CACNA2D3: variants seen among roughly 807,000 people sequenced by gnomAD.
CACNA2D3 encodes voltage-dependent calcium channel subunit alpha-2/delta-3.
Under a neutral mutation model 160.6 loss-of-function variants are expected in CACNA2D3, and 60 were observed. The observed-to-expected ratio is 0.37, with a 90% CI of 0.30 to 0.46. The LOEUF (loss-of-function observed/expected upper bound fraction) is 0.46, where lower values mean the gene tolerates loss of function less well. Ranked by LOEUF, CACNA2D3 falls within the 20% of genes least tolerant of loss-of-function variation. The pLI is 1.00. For synonymous variants in CACNA2D3, 558 were observed against 492.9 expected, an observed-to-expected ratio of 1.13 and a Z score of -1.75; for missense variants, 1,205 against 1,365.0, an observed-to-expected ratio of 0.88 and a Z score of 1.85.
chr3:54,645,671 C>G (rs1476698741), intron 11 of CACNA2D3, among the ~76,000 whole-genome samples: 1 of 152,172 alleles, frequency 6.6e-6, no homozygotes, highest in Non-Finnish European at 1.5e-5. Flanking sequence ...GTTCCCTTCT[C>G]TTAGGTTTGC....
At chr3:54,206,530 C>T (rs1701279509) in intron 2 of CACNA2D3, among the ~76,000 whole-genome samples, 1 of 152,166 alleles carries the variant, frequency 6.6e-6, no homozygotes, top group African/African-American at 2.4e-5. Flanking sequence ...GCATATTGAT[C>T]AGCCTTAAAA....
At chr3:54,667,486 G>C (rs1575414226) in intron 11 of CACNA2D3, among the ~76,000 whole-genome samples, 1 of 152,150 alleles carries the variant, frequency 6.6e-6, no homozygotes, top group South Asian at 2.1e-4. Context: ...TTTTATTCCT[G>C]TTCCATCAGA....
intron 15 of CACNA2D3, among the ~76,000 whole-genome samples, chr3:54,838,134 A>G (rs893748994): frequency 6.6e-5 from 10 of 152,332 alleles, no homozygotes; most frequent in African/African-American, 2.4e-4. Flanking sequence ...CTTGCTATTT[A>G]GACTCTCTCT....
chr3:54,662,356 CA>C (rs1699989442), intron 11 of CACNA2D3, among the ~76,000 whole-genome samples: 1 of 152,110 alleles, frequency 6.6e-6, no homozygotes, highest in South Asian at 2.1e-4. Flanking sequence ...CCTTGTTGAC[CA>C]CAACAAGGGA....
chr3:54,998,153 G>C (rs190660605), intron 31 of CACNA2D3, among the ~76,000 whole-genome samples: 391 of 145,706 alleles, frequency 2.7e-3, no homozygotes, highest in South Asian at 5.2e-3. Flanking sequence ...TTTTGAGATG[G>C]AGTCTTGCTC....
chr3:54,464,198 A>C (rs1466497939), intron 4 of CACNA2D3, among the ~76,000 whole-genome samples: 2 of 152,156 alleles, frequency 1.3e-5, no homozygotes, highest in African/African-American at 2.4e-5. Context: ...GGTGCCTCCT[A>C]GTTAGGCTGC....
chr3:54,618,231 T>C (rs1318951109), intron 9 of CACNA2D3, among the ~76,000 whole-genome samples: 1 of 151,616 alleles, frequency 6.6e-6, no homozygotes, highest in Non-Finnish European at 1.5e-5. Context: ...TTACTACACA[T>C]ATGCACTACA....
intron 13 of CACNA2D3, among the ~76,000 whole-genome samples, chr3:54,802,483 T>A (rs1445048919): frequency 6.6e-6 from 1 of 152,228 alleles, no homozygotes; most frequent in Non-Finnish European, 1.5e-5. Context: ...TCCTGAGTAT[T>A]TTTGAAGCTG....
intron 13 of CACNA2D3, among the ~76,000 whole-genome samples, chr3:54,799,867 G>T (rs1702945682): frequency 6.6e-6 from 1 of 152,152 alleles, no homozygotes; most frequent in Admixed American, 6.6e-5. Flanking sequence ...GGAAGTATCA[G>T]TACCTTCCTC....
chr3:54,461,325 T>G (rs1303151838), intron 4 of CACNA2D3, among the ~76,000 whole-genome samples: 1 of 150,780 alleles, frequency 6.6e-6, no homozygotes, highest in East Asian at 1.9e-4. Context: ...CTTTTTCTAT[T>G]GATTGGAATA....
At chr3:54,223,302 A>G (rs1297011908) in intron 2 of CACNA2D3, among the ~76,000 whole-genome samples, 1 of 152,250 alleles carries the variant, frequency 6.6e-6, no homozygotes, top group Non-Finnish European at 1.5e-5. Flanking sequence ...ACAAACCTGT[A>G]TAGCACGTTA....
At chr3:54,233,201 T>A (rs1009375432) in intron 2 of CACNA2D3, among the ~76,000 whole-genome samples, 6 of 152,258 alleles carry the variant, frequency 3.9e-5, no homozygotes, top group Middle Eastern at 3.4e-3. Flanking sequence ...CTCCCTCCCA[T>A]CCCCAGAATA....
At chr3:54,825,047 T>C (rs1400688639) in intron 14 of CACNA2D3, among the ~76,000 whole-genome samples, 1 of 152,232 alleles carries the variant, frequency 6.6e-6, no homozygotes, top group African/African-American at 2.4e-5. Flanking sequence ...TTTAAATATG[T>C]GACTGTTTTC....
rs202137238 is a variant in CACNA2D3 at position 54,846,445 on chromosome 3, C to T, written c.1604C>T (p.Thr535Met). ...ATCACAAATAATGGATATATCCTGA[C>T]GCATCCGGAACTCAGGCTGCTGGTA... The part of the protein sequence containing the change: ...FAITNNGYIL[T>M]HPELRLLYEE... Residue 535 changes from threonine to methionine, a missense_variant, in exon 17 of 38, where the codon ACG becomes ATG. Around this residue, in one of 3 missense-constraint regions of CACNA2D3, gnomAD observed 911 missense variants for 1,002.2 expected, o/e 0.91. Transcript: ENST00000474759. 2.7e-5 allele frequency: 44 copies of T among 1,602,078 alleles called. No individual in the cohort carries two copies. Among genetic ancestry groups the T allele is most frequent in the South Asian group, 2.0e-4 (18 of 88,702 alleles).
At chr3:54,953,561 C>T (rs913782448) in intron 27 of CACNA2D3, among the ~76,000 whole-genome samples, 7 of 152,196 alleles carry the variant, frequency 4.6e-5, no homozygotes, top group African/African-American at 1.7e-4. Flanking sequence ...CCTCAGGAGA[C>T]CTTATTCTCT....
intron 5 of CACNA2D3, among the ~76,000 whole-genome samples, chr3:54,518,089 G>T (rs970186423): frequency 2.0e-5 from 3 of 152,160 alleles, no homozygotes; most frequent in Admixed American, 6.5e-5. Flanking sequence ...GACCACATCT[G>T]CAGAGGCTTC....
chr3:54,833,367 TG>T (rs1469627722), intron 14 of CACNA2D3, among the ~76,000 whole-genome samples: 1 of 152,176 alleles, frequency 6.6e-6, no homozygotes, highest in Non-Finnish European at 1.5e-5. Flanking sequence ...AGATGGACCA[TG>T]GTGACCCCCA....
chr3:54,572,312 C>T (rs1015485734), intron 8 of CACNA2D3, among the ~76,000 whole-genome samples: 2 of 152,204 alleles, frequency 1.3e-5, no homozygotes, highest in Non-Finnish European at 2.9e-5. Context: ...GATGTATCCC[C>T]AGCACCTAGG....
rs748003506 is a variant in CACNA2D3 at position 54,987,678 on chromosome 3, C to G, written c.2620-5C>G. ...ACACCTCCTCATATGTCTTCTTCCC[C>G]ATAGACTGGAGACTTTTTTGGTGAG... On this transcript the variant is annotated splice_region_variant and splice_polypyrimidine_tract_variant and intron_variant, in intron 30 of 37. Coordinates refer to ENST00000474759, the MANE Select transcript of CACNA2D3 (RefSeq NM_018398.3). The G allele has an allele frequency of 3.1e-6, 5 of 1,597,802 alleles. No homozygotes were observed. The highest frequency in any genetic ancestry group is 4.3e-6 in the Non-Finnish European group (5 of 1,172,338).
Sources: allele counts gnomAD v4.1 joint callset (sites outside exome capture counted in the v4.1 genomes callset), GRCh38; gene constraint gnomAD v4.1.1; regional missense constraint gnomAD v4.1.1; transcripts MANE v1.5; gene names NCBI Gene and HGNC (gene_info 2026-07-23, HGNC 2026-07-21).